SNTG1: variants seen among roughly 807,000 people sequenced by gnomAD.
SNTG1 encodes the protein syntrophin gamma 1, also known as gamma-1-syntrophin.
A neutral mutation model predicts 74.7 loss-of-function variants in SNTG1; 39 were observed. The ratio of observed to expected loss-of-function variants is 0.52; its 90% CI spans 0.40 to 0.68. The LOEUF (loss-of-function observed/expected upper bound fraction) is 0.68. SNTG1 is among the 30% of genes least tolerant of loss of function. SNTG1 has a pLI of 0.00. For synonymous variants in SNTG1, 254 were observed against 217.1 expected (o/e 1.17, Z -1.49); for missense variants, 685 against 609.5 (o/e 1.12, Z -1.30).
At chr8:50,519,254 C>A (rs754130064) in intron 9 of SNTG1, among the ~76,000 whole-genome samples, 4 of 152,066 alleles carry the variant, frequency 2.6e-5, no homozygotes, top group Non-Finnish European at 5.9e-5. Flanking sequence ...AAACTCAACA[C>A]CCTTTTATGC....
chr8:50,224,055 AAAC>A (rs1453505497), intron 2 of SNTG1, among the ~76,000 whole-genome samples: 6 of 152,144 alleles, frequency 3.9e-5, no homozygotes, highest in Non-Finnish European at 8.8e-5. Flanking sequence ...ATTATCAAAA[AAAC>A]AAAAAATATT....
At chr8:50,554,344 C>A (rs4873464) in intron 12 of SNTG1, among the ~76,000 whole-genome samples, 11 of 152,156 alleles carry the variant, frequency 7.2e-5, no homozygotes, top group Admixed American at 2.0e-4. Flanking sequence ...ATTGGCTGTG[C>A]AATTTACCCC....
intron 18 of SNTG1, among the ~76,000 whole-genome samples, chr8:50,772,169 G>T (rs2095628850): frequency 6.6e-6 from 1 of 152,036 alleles, no homozygotes. Flanking sequence ...ACCATGTAAT[G>T]CCCACCTAGG....
chr8:50,611,859 T>C (rs939587435), intron 13 of SNTG1, among the ~76,000 whole-genome samples: 5 of 152,118 alleles, frequency 3.3e-5, no homozygotes, highest in Non-Finnish European at 5.9e-5. Context: ...CTTGACCTCC[T>C]GGGTTCAAAC....
At chr8:50,246,454 G>C (rs1240804942) in intron 2 of SNTG1, among the ~76,000 whole-genome samples, 2 of 151,404 alleles carry the variant, frequency 1.3e-5, no homozygotes, top group Non-Finnish European at 2.9e-5. Context: ...ATAGAACCAA[G>C]TCAATCCACT....
chr8:49,936,994 C>A (rs1482974945), intron 1 of SNTG1, among the ~76,000 whole-genome samples: 2 of 151,996 alleles, frequency 1.3e-5, no homozygotes, highest in Non-Finnish European at 2.9e-5. Flanking sequence ...AGTAAAAATA[C>A]AAAAATTCGC....
intron 1 of SNTG1, among the ~76,000 whole-genome samples, chr8:49,982,353 T>C (rs559334371): frequency 6.6e-6 from 1 of 152,248 alleles, no homozygotes; most frequent in East Asian, 1.9e-4. Context: ...TAAATGTTTT[T>C]GGCATTTTGG....
At chr8:50,767,308 G>T (rs569294279) in intron 18 of SNTG1, among the ~76,000 whole-genome samples, 1 of 152,044 alleles carries the variant, frequency 6.6e-6, no homozygotes. Context: ...TTAATTCATT[G>T]GTTGTGAGAA....
intron 5 of SNTG1, among the ~76,000 whole-genome samples, chr8:50,445,455 G>T (rs2093398049): frequency 6.6e-6 from 1 of 152,142 alleles, no homozygotes; most frequent in South Asian, 2.1e-4. Context: ...GACTCCTGAT[G>T]CTCTAAAAGC....
intron 2 of SNTG1, among the ~76,000 whole-genome samples, chr8:50,175,643 C>T (rs1045676420): frequency 3.3e-5 from 5 of 152,120 alleles, no homozygotes; most frequent in Non-Finnish European, 4.4e-5. Context: ...GTATCATGCA[C>T]AGTAAATCCT....
intron 2 of SNTG1, among the ~76,000 whole-genome samples, chr8:50,228,877 T>C (rs1253863696): frequency 6.6e-6 from 1 of 151,804 alleles, no homozygotes; most frequent in African/African-American, 2.4e-5. Flanking sequence ...ATATATTTAA[T>C]GTGTTATTTG....
At chr8:50,090,026 C>T (rs1296060375) in intron 1 of SNTG1, among the ~76,000 whole-genome samples, 1 of 152,168 alleles carries the variant, frequency 6.6e-6, no homozygotes, top group African/African-American at 2.4e-5. Context: ...AGGATCACTC[C>T]CAGGGCTAGG....
chr8:50,228,885 T>G (rs1043225510), intron 2 of SNTG1, among the ~76,000 whole-genome samples: 7 of 151,748 alleles, frequency 4.6e-5, no homozygotes, highest in Non-Finnish European at 1.0e-4. Context: ...AATGTGTTAT[T>G]TGTTTAATTC....
intron 1 of SNTG1, among the ~76,000 whole-genome samples, chr8:50,040,983 G>A (rs1219236278): frequency 1.3e-5 from 2 of 151,990 alleles, no homozygotes; most frequent in African/African-American, 2.4e-5. Context: ...TGCAACCCCC[G>A]CCTCCCAGGT....
chr8:50,605,124 A>G (rs2130952378), intron 13 of SNTG1, among the ~76,000 whole-genome samples: 1 of 152,284 alleles, frequency 6.6e-6, no homozygotes, highest in East Asian at 1.9e-4. Flanking sequence ...GATTTAAGAC[A>G]AAGTCCTGTT....
intron 13 of SNTG1, among the ~76,000 whole-genome samples, chr8:50,596,004 C>T (rs1458536619): frequency 6.6e-6 from 1 of 151,842 alleles, no homozygotes; most frequent in Non-Finnish European, 1.5e-5. Context: ...AGTGTAATAA[C>T]TCAATATTAT....
At chr8:50,065,117 CAGCTTAAA>C (rs1363773077) in intron 1 of SNTG1, among the ~76,000 whole-genome samples, 22 of 152,060 alleles carry the variant, frequency 1.4e-4, no homozygotes, top group African/African-American at 5.3e-4. Flanking sequence ...TTTACATCAC[CAGCTTAAA>C]ATAGTTATTC....
intron 4 of SNTG1, among the ~76,000 whole-genome samples, chr8:50,432,038 C>G (rs11783146): frequency 3.3e-5 from 5 of 152,102 alleles, no homozygotes; most frequent in Admixed American, 1.3e-4. Flanking sequence ...AATGTATTCT[C>G]ATTTATCAAC....
chr8:50,088,777 C>T (rs1413889913), intron 1 of SNTG1, among the ~76,000 whole-genome samples: 1 of 148,736 alleles, frequency 6.7e-6, no homozygotes, highest in Non-Finnish European at 1.5e-5. Flanking sequence ...AATGGAAGAA[C>T]ATTCCATGCT....
Sources: gnomAD v4.1 joint callset for allele counts (sites outside exome capture counted in the v4.1 genomes callset) on GRCh38, gnomAD v4.1.1 for gene constraint, MANE v1.5 for transcripts, NCBI Gene and HGNC (gene_info 2026-07-23, HGNC 2026-07-21) for gene names.